Variants in VPS54 observed in about 807,000 individuals in gnomAD.
The protein encoded by VPS54 is vacuolar protein sorting-associated protein 54.
Under a neutral mutation model 121.5 loss-of-function variants are expected in VPS54, and 45 were observed. The observed-to-expected ratio is 0.37, with a 90% CI of 0.29 to 0.47. The LOEUF (loss-of-function observed/expected upper bound fraction) is 0.47. Among genes scored for constraint, VPS54 ranks in the 20% least tolerant of loss-of-function variants. The probability of loss-of-function intolerance (pLI) is 0.99; values close to 1 mark genes in which losing one functional copy is unlikely to be tolerated. For missense variants in VPS54, 1,090 were observed against 1,131.4 expected, an observed-to-expected ratio of 0.96 and a Z score of 0.52; for synonymous variants, 371 against 385.8, an observed-to-expected ratio of 0.96 and a Z score of 0.45.
intron 12 of VPS54, among the ~76,000 whole-genome samples, chr2:63,923,894 C>T (rs1055315844): frequency 1.3e-5 from 2 of 152,172 alleles, no homozygotes; most frequent in African/African-American, 2.4e-5. Context: ...ACCACAAAAA[C>T]ACTTGCTACA....
chr2:63,966,093 A>G, intron 5 of VPS54, 127 bp from the exon 6 acceptor site: 1 of 912,580 alleles, frequency 1.1e-6, no homozygotes, highest in Non-Finnish European at 1.6e-6. Context: ...AGCAAGTGAT[A>G]ACAGTTGAGT....
chr2:63,912,021 A>G (rs1293275874), intron 20 of VPS54, among the ~76,000 whole-genome samples: 27 of 152,184 alleles, frequency 1.8e-4, no homozygotes, highest in Admixed American at 1.8e-3. Flanking sequence ...TCTGCATAGG[A>G]TTTCTACCAT....
intron 7 of VPS54, among the ~76,000 whole-genome samples, chr2:63,952,600 G>C (rs1418033967): frequency 6.6e-6 from 1 of 152,112 alleles, no homozygotes; most frequent in African/African-American, 2.4e-5. Context: ...ACAACATATG[G>C]TAAGTAGGAG....
intron 20 of VPS54, among the ~76,000 whole-genome samples, chr2:63,902,254 G>A (rs1039053022): frequency 6.6e-6 from 1 of 152,148 alleles, no homozygotes; most frequent in African/African-American, 2.4e-5. Context: ...TAGTGGAGAT[G>A]TACAGAGATG....
chr2:63,932,695 G>C (rs967374560), intron 12 of VPS54, among the ~76,000 whole-genome samples: 7 of 150,758 alleles, frequency 4.6e-5, no homozygotes, highest in Non-Finnish European at 8.9e-5. Context: ...AAAGTACTGA[G>C]TTGATTTATA....
At chr2:63,964,053 T>C (rs913844647) in intron 6 of VPS54, among the ~76,000 whole-genome samples, 2 of 152,186 alleles carry the variant, frequency 1.3e-5, no homozygotes, top group Admixed American at 6.5e-5. Context: ...CACAGTACAA[T>C]AGAATACAAA....
intron 8 of VPS54, 39 bp downstream of exon 8, chr2:63,948,998 G>A: frequency 6.2e-7 from 1 of 1,600,200 alleles, no homozygotes; most frequent in Non-Finnish European, 8.5e-7. Context: ...AGACTGTTAA[G>A]CAATGGCATC....
In VPS54 at chr2:63,964,449, A is replaced by G. The variant is rs188597748; in HGVS notation, c.624+1386T>C. On this transcript the variant is annotated intron_variant, in intron 6 of 22. Coordinates refer to ENST00000272322, the MANE Select transcript of VPS54 (RefSeq NM_016516.3). ...ATCTGTATTAAAAGTACCTGTATAC[A>G]TTGATGAGACTTTTACTGGCTTTTG... Among the ~76,000 whole-genome samples, 195 of 152,292 alleles carry G rather than the reference A, an allele frequency of 1.3e-3. 2 individuals are homozygous for G. The highest frequency in any genetic ancestry group is 5.0e-3 in the Admixed American group (76 of 15,290).
chr2:63,998,926 T>C (rs1677739442), intron 1 of VPS54, among the ~76,000 whole-genome samples: 1 of 152,190 alleles, frequency 6.6e-6, no homozygotes, highest in Admixed American at 6.5e-5. Context: ...TATTAATCTT[T>C]TTCTTTTTTA....
intron 11 of VPS54, among the ~76,000 whole-genome samples, chr2:63,934,686 A>C (rs1157877275): frequency 2.3e-5 from 3 of 131,142 alleles, no homozygotes; most frequent in African/African-American, 7.5e-5. Flanking sequence ...AACAAAAAAC[A>C]AAAAAACCCA....
chr2:63,932,033 T>C (rs531163544), intron 12 of VPS54, among the ~76,000 whole-genome samples: 77 of 152,210 alleles, frequency 5.1e-4, no homozygotes, highest in African/African-American at 1.8e-3. Flanking sequence ...TGTGGAGAAA[T>C]AGAAATGCAT....
At position 63,893,142 on chromosome 2, in the gene VPS54, G is replaced by GTGT. The variant is rs1285705500; in HGVS notation, c.*285_*287dup. 2.2e-6 allele frequency: 1 copy of GTGT among 461,310 alleles called. No homozygotes were observed. Among genetic ancestry groups the GTGT allele is most frequent in the Non-Finnish European group, 4.0e-6 (1 of 250,032 alleles). 28.6% of individuals were successfully genotyped at this position (461,310 alleles called of 1,614,324 possible). ...TCAACTACAGCTGTGTTACAGCTAT[G>GTGT]TGTTCTTTTGGATTTGGTCCAAAGA... On this transcript the variant is annotated 3_prime_UTR_variant, in exon 23 of 23. Transcript: ENST00000272322.
chr2:63,902,598 T>A (rs1412697530), intron 20 of VPS54, among the ~76,000 whole-genome samples: 2 of 151,816 alleles, frequency 1.3e-5, no homozygotes, highest in African/African-American at 4.8e-5. Flanking sequence ...AATATCCCAC[T>A]GTCAAGAAAT....
At chr2:63,978,566 G>A (rs1676654744) in intron 3 of VPS54, among the ~76,000 whole-genome samples, 1 of 152,150 alleles carries the variant, frequency 6.6e-6, no homozygotes, top group African/African-American at 2.4e-5. Context: ...TTGTGGAAAG[G>A]TATTTAACTA....
chr2:64,016,701 C>G (rs1678714585), intron 1 of VPS54, among the ~76,000 whole-genome samples: 1 of 151,482 alleles, frequency 6.6e-6, no homozygotes, highest in Admixed American at 6.6e-5. Flanking sequence ...CTCCACCTCC[C>G]AGGTTCAAGC....
rs375030990 is a variant in VPS54 at position 63,949,163 on chromosome 2, C to A, written c.1011G>T (p.Arg337=). 5 of 1,601,898 alleles carry A rather than the reference C, an allele frequency of 3.1e-6. No homozygotes were observed. The highest frequency in any genetic ancestry group is 4.2e-6 in the Non-Finnish European group (5 of 1,177,180). ...QQELQGIHSF[R]HLGSQLCELE... is the part of the protein sequence containing the mutation. ...ATTCACAAAGCTGTGATCCCAAATG[C>A]CTAAAAAGGAAGAGAAAAATGTTAT... Residue 337 remains arginine (R), a splice_region_variant and synonymous_variant, in exon 8 of 23, where the codon CGG becomes CGT. Coordinates refer to ENST00000272322, the MANE Select transcript of VPS54 (RefSeq NM_016516.3).
intron 7 of VPS54, among the ~76,000 whole-genome samples, chr2:63,960,501 A>T (rs1675706807): frequency 6.6e-6 from 1 of 152,236 alleles, no homozygotes; most frequent in Non-Finnish European, 1.5e-5. Context: ...AAGTAAAAGT[A>T]AACTGCATGA....
At chr2:63,911,857 A>G (rs1260241687) in intron 20 of VPS54, among the ~76,000 whole-genome samples, 1 of 152,238 alleles carries the variant, frequency 6.6e-6, no homozygotes, top group Non-Finnish European at 1.5e-5. Flanking sequence ...AAGATAGATC[A>G]AGCGTGATTG....
chr2:63,894,185 A>T (rs1307211738), intron 22 of VPS54, among the ~76,000 whole-genome samples: 2 of 152,236 alleles, frequency 1.3e-5, no homozygotes, highest in Non-Finnish European at 2.9e-5. Context: ...GATGTGGGAA[A>T]CAAATTCTCA....
Sources: gnomAD v4.1 joint callset for allele counts (sites outside exome capture counted in the v4.1 genomes callset) on GRCh38, gnomAD v4.1.1 for gene constraint, MANE v1.5 for transcripts, NCBI Gene and HGNC (gene_info 2026-07-23, HGNC 2026-07-21) for gene names.